CSMD1: variants seen among roughly 807,000 people sequenced by gnomAD.
The protein encoded by CSMD1 is CUB and sushi domain-containing protein 1.
In CSMD1, 213 loss-of-function variants were observed where a neutral mutation model predicts 417.5. The observed-to-expected ratio is 0.51, with a 90% CI of 0.46 to 0.57. The LOEUF (loss-of-function observed/expected upper bound fraction) is 0.57. Ranked by LOEUF, CSMD1 falls within the 20% of genes least tolerant of loss-of-function variation. CSMD1 has a pLI of 0.00. For missense variants in CSMD1, 6,923 were observed against 4,529.7 expected (o/e 1.53, Z -15.17); for synonymous variants, 2,862 against 1,736.8 (o/e 1.65, Z -16.11).
At chr8:4,305,184 G>C (rs545332884) in intron 3 of CSMD1, among the ~76,000 whole-genome samples, 4 of 152,262 alleles carry the variant, frequency 2.6e-5, no homozygotes, top group African/African-American at 9.6e-5. Context: ...ATTACATCAA[G>C]TAACTTCACA....
chr8:4,898,914 A>C (rs1261121156), intron 1 of CSMD1, among the ~76,000 whole-genome samples: 1 of 152,206 alleles, frequency 6.6e-6, no homozygotes, highest in Non-Finnish European at 1.5e-5. Context: ...TAATAAGATT[A>C]GATTTAGAGA....
At chr8:4,352,463 G>A (rs1470036257) in intron 3 of CSMD1, among the ~76,000 whole-genome samples, 1 of 152,096 alleles carries the variant, frequency 6.6e-6, no homozygotes, top group African/African-American at 2.4e-5. Flanking sequence ...AATAGAAAGT[G>A]GAAATATTCT....
chr8:3,667,284 G>A (rs146195010), intron 7 of CSMD1, among the ~76,000 whole-genome samples: 1 of 152,000 alleles, frequency 6.6e-6, no homozygotes, highest in African/African-American at 2.4e-5. Flanking sequence ...CAGATTATAA[G>A]GGTTATGTGA....
In CSMD1 at chr8:3,560,324, T is replaced by A. The variant is rs575476855; in HGVS notation, c.1344+14621A>T. ...CTGAGAAACACAGAAATGATACCAT[T>A]AGTGAAGGTACCTATCATTATCATC... On this transcript the variant is annotated intron_variant, in intron 10 of 69. Coordinates refer to ENST00000635120, the MANE Select transcript of CSMD1 (RefSeq NM_033225.6). 7.9e-5 allele frequency among the ~76,000 whole-genome samples: 12 copies of A among 152,300 alleles called. No homozygotes were observed. The South Asian group carries it at 2.5e-3, about 32-fold the overall frequency.
chr8:3,320,820 CGAGG>C, intron 23 of CSMD1, among the ~76,000 whole-genome samples: 1 of 152,296 alleles, frequency 6.6e-6, no homozygotes, highest in South Asian at 2.1e-4. Flanking sequence ...GCCTGCAGAG[CGAGG>C]GCGCAGGGTC....
chr8:3,652,248 C>T (rs1210439693), intron 7 of CSMD1, among the ~76,000 whole-genome samples: 1 of 151,984 alleles, frequency 6.6e-6, no homozygotes, highest in Non-Finnish European at 1.5e-5. Flanking sequence ...CTACCAACGT[C>T]ATTGCACTTA....
intron 3 of CSMD1, among the ~76,000 whole-genome samples, chr8:4,175,005 T>A (rs1002025418): frequency 1.3e-5 from 2 of 151,702 alleles, no homozygotes; most frequent in East Asian, 3.9e-4. Flanking sequence ...GAATCTCTTA[T>A]CTCACTCTTT....
chr8:4,119,534 A>G lies in CSMD1; in HGVS notation c.416-87435T>C, dbSNP rs139450547. On this transcript the variant is annotated intron_variant, in intron 3 of 69. Coordinates refer to ENST00000635120, the MANE Select transcript of CSMD1 (RefSeq NM_033225.6). ...TTGTAGGTGGGGTGCTTGGGAAATA[A>G]CCAAGTTTAGATGAGGCCTTAAGGG... Among the ~76,000 whole-genome samples the G allele has an allele frequency of 9.9e-3, 1,503 of 152,228 alleles. 12 individuals carry two copies. The highest frequency in any genetic ancestry group is 0.027 in the Middle Eastern group (8 of 294).
At chr8:4,134,374 A>C (rs1192008550) in intron 3 of CSMD1, among the ~76,000 whole-genome samples, 1 of 152,182 alleles carries the variant, frequency 6.6e-6, no homozygotes, top group Non-Finnish European at 1.5e-5. Context: ...TTATATGAAG[A>C]AATCGGGACA....
rs189292073 is a variant in CSMD1, at chr8:4,178,189, C to G, written c.416-146090G>C. Among the ~76,000 whole-genome samples the G allele has an allele frequency of 3.6e-3, 552 of 152,304 alleles. 1 individual carries two copies. The highest frequency in any genetic ancestry group is 0.022 in the South Asian group (106 of 4,820). On this transcript the variant is annotated intron_variant, in intron 3 of 69. Coordinates refer to ENST00000635120, the MANE Select transcript of CSMD1 (RefSeq NM_033225.6). The stretch of plus-strand genomic sequence containing the variant: ...TGATGCAGAAACCCTCAATACGATA[C>G]TGGCAGACCGAATCCAGCAGCACAT...
chr8:3,427,015 A>T (rs1813888270), intron 12 of CSMD1, among the ~76,000 whole-genome samples: 1 of 152,160 alleles, frequency 6.6e-6, no homozygotes, highest in Non-Finnish European at 1.5e-5. Context: ...AGGGGGAATT[A>T]CCAAACACTT....
intron 10 of CSMD1, chr8:3,515,284 T>A (rs1363744352): frequency 1.3e-5 from 2 of 152,176 alleles, no homozygotes; most frequent in East Asian, 3.9e-4. Context: ...CTGGAGTATG[T>A]GGTGTAAATA....
At chr8:3,540,965 G>C (rs987037157) in intron 10 of CSMD1, among the ~76,000 whole-genome samples, 5 of 152,246 alleles carry the variant, frequency 3.3e-5, no homozygotes, top group South Asian at 4.1e-4. Flanking sequence ...GTGGAGGACA[G>C]TGTGGTGATT....
chr8:3,284,601 T>C (rs1438455856), intron 25 of CSMD1: 1 of 466,584 alleles, frequency 2.1e-6, no homozygotes, highest in East Asian at 4.0e-5. Context: ...TGCTGAGCTA[T>C]CCATTTTAGG....
At chr8:3,300,549 C>T (rs555403364) in intron 25 of CSMD1, among the ~76,000 whole-genome samples, 5 of 152,146 alleles carry the variant, frequency 3.3e-5, no homozygotes, top group African/African-American at 1.2e-4. Flanking sequence ...TGAGGATGCT[C>T]ACACCCTTTG....
intron 3 of CSMD1, among the ~76,000 whole-genome samples, chr8:4,229,642 C>G (rs1215458426): frequency 6.6e-6 from 1 of 152,180 alleles, no homozygotes; most frequent in East Asian, 1.9e-4. Flanking sequence ...TCTTCTCCAG[C>G]TGCTTAAAGG....
At chr8:3,832,737 C>T (rs993324070) in intron 5 of CSMD1, among the ~76,000 whole-genome samples, 2 of 152,138 alleles carry the variant, frequency 1.3e-5, no homozygotes, top group Non-Finnish European at 2.9e-5. Flanking sequence ...ACCATGATGA[C>T]TTCTGATAAC....
intron 3 of CSMD1, among the ~76,000 whole-genome samples, chr8:4,262,152 T>C (rs1178237667): frequency 1.3e-5 from 2 of 152,208 alleles, no homozygotes; most frequent in African/African-American, 4.8e-5. Flanking sequence ...CTGCTATTTG[T>C]AGATTCTCAT....
intron 3 of CSMD1, among the ~76,000 whole-genome samples, chr8:4,377,320 T>G (rs1319341521): frequency 6.6e-6 from 1 of 152,062 alleles, no homozygotes; most frequent in Non-Finnish European, 1.5e-5. Flanking sequence ...GCCCAAAACC[T>G]TGGTCGGGGG....
Sources: gnomAD v4.1 joint callset for allele counts (sites outside exome capture counted in the v4.1 genomes callset) on GRCh38, gnomAD v4.1.1 for gene constraint, MANE v1.5 for transcripts, NCBI Gene and HGNC (gene_info 2026-07-23, HGNC 2026-07-21) for gene names.